The following ADAM15 variants were observed in gnomAD, a reference collection of about 807,000 sequenced individuals.
ADAM15 encodes the protein ADAM metallopeptidase domain 15.
ADAM15 carries 77 observed loss-of-function variants against 113.8 expected under a neutral mutation model. The ratio of observed to expected loss-of-function variants is 0.68; its 90% CI spans 0.56 to 0.82. The LOEUF is 0.82. ADAM15 is among the 40% of genes least tolerant of loss of function. The probability of loss-of-function intolerance (pLI) is 0.00; values close to 1 mark genes in which losing one functional copy is unlikely to be tolerated. For synonymous variants in ADAM15, 388 were observed against 454.1 expected, an observed-to-expected ratio of 0.85 and a Z score of 1.85; for missense variants, 963 against 1,120.1, an observed-to-expected ratio of 0.86 and a Z score of 2.00.
rs1367291693 is a variant in ADAM15 at position 155,052,718 on chromosome 1, C to A, written c.127C>A (p.Pro43Thr). The change falls in exon 2 of 23, where the codon CCC (proline) becomes ACC (threonine). Residue 43 changes from proline to threonine, a missense_variant. Physicochemically the swap from Pro to Thr is conservative, Grantham distance 38. Coordinates refer to ENST00000356955, the MANE Select transcript of ADAM15 (RefSeq NM_207197.3). ...QAESEKAPREPLEPQVLQDDL... is the reference protein window; with the variant it reads ...QAESEKAPRETLEPQVLQDDL... ...AGAGTCAGAGAAGGCCCCGAGGGAG[C>A]CCTTGGAGCCCCAGGTCCTTCAGGA... 3 of 1,612,258 alleles carry A rather than the reference C, an allele frequency of 1.9e-6. No homozygotes were observed. Among genetic ancestry groups the A allele is most frequent in the South Asian group, 2.2e-5 (2 of 90,584 alleles).
At chr1:155,052,980 G>A (rs1661281095) in intron 2 of ADAM15, among the ~76,000 whole-genome samples, 1 of 152,034 alleles carries the variant, frequency 6.6e-6, no homozygotes, top group South Asian at 2.1e-4. Flanking sequence ...ACGTGTATCT[G>A]TCTGCCTCAG....
chr1:155,061,326 C>A, intron 19 of ADAM15, 89 bp from the exon 20 acceptor site: 1 of 913,080 alleles, frequency 1.1e-6, no homozygotes. Flanking sequence ...CCCTGCTGGC[C>A]CCCCCTGGGC....
At position 155,060,936 on chromosome 1, in the gene ADAM15, C is replaced by A; in HGVS notation, c.2277+104C>A. ...GGCTCCAGACTCAGAGAAAGGCTAG[C>A]ACTGCCCAAGAGTCAGTCGAAGGAG... On this transcript the variant is annotated intron_variant, in intron 19 of 22. Coordinates refer to ENST00000356955, the MANE Select transcript of ADAM15 (RefSeq NM_207197.3). The A allele has an allele frequency of 4.4e-6, 5 of 1,145,748 alleles. No homozygotes were observed. In the South Asian group the frequency reaches 5.3e-5, roughly 12 times the overall value. 71.0% of individuals were successfully genotyped at this position (1,145,748 alleles called of 1,614,324 possible).
In ADAM15 at chr1:155,056,639, C is replaced by A. The variant is rs1661801030; in HGVS notation, c.999+169C>A. Among the ~76,000 whole-genome samples, 1 of 152,120 alleles carries A rather than the reference C, an allele frequency of 6.6e-6. No individual in the cohort carries two copies. Among genetic ancestry groups the A allele is most frequent in the Non-Finnish European group, 1.5e-5 (1 of 68,026 alleles). On this transcript the variant is annotated intron_variant, in intron 10 of 22. Transcript: ENST00000356955. The surrounding 1 kb of genome is among the most constrained non-coding windows in gnomAD (Gnocchi z 4.0). ...CTATCAGGGAGCCCTCGCTTATGGC[C>A]AGCTAGTCACAGTGTACACAGTCAT...
rs962646431 is a variant in ADAM15, at chr1:155,058,505, C to G, written c.1917+64C>G. On this transcript the variant is annotated intron_variant, in intron 15 of 22. Transcript: ENST00000356955. This position sits in a 1 kb window ranked among gnomAD's most constrained non-coding sequence, Gnocchi z 4.3. ...GACATTTGGACCACAATGAACAGAG[C>G]CCAGACTTCACCATTCACCAATGTC... is the stretch of plus-strand genomic sequence containing the variant. The G allele has an allele frequency of 6.3e-7, 1 of 1,583,976 alleles. No homozygotes were observed. The highest frequency in any genetic ancestry group is 8.6e-7 in the Non-Finnish European group (1 of 1,169,456).
chr1:155,062,018 T>C lies in ADAM15; in HGVS notation c.2424+43T>C. ...GAAGGGCACGGCCTCTCCCCCCACCTAGGGCTGTGGTGCTGGTAGCCATGA... is the reference window on the plus strand; with the variant it reads ...GAAGGGCACGGCCTCTCCCCCCACCCAGGGCTGTGGTGCTGGTAGCCATGA... On this transcript the variant is annotated intron_variant, in intron 21 of 22. Coordinates refer to ENST00000356955, the MANE Select transcript of ADAM15 (RefSeq NM_207197.3). The surrounding 1 kb of genome is among the most constrained non-coding windows in gnomAD (Gnocchi z 7.0). The C allele has an allele frequency of 6.6e-7, 1 of 1,505,068 alleles. No homozygotes were observed. Among genetic ancestry groups the C allele is most frequent in the South Asian group, 1.3e-5 (1 of 74,408 alleles). 93.2% of individuals were successfully genotyped at this position (1,505,068 alleles called of 1,614,324 possible).
chr1:155,056,956 C>G lies in ADAM15; in HGVS notation c.1003C>G (p.His335Asp), dbSNP rs773464499. Residue 335 changes from histidine (H) to aspartate (D), a missense_variant, in exon 11 of 23, where the codon CAC (histidine) becomes GAC (aspartate). Physicochemically the swap from His to Asp is moderately conservative, Grantham distance 81. Coordinates refer to ENST00000356955, the MANE Select transcript of ADAM15 (RefSeq NM_207197.3). This position sits in a 1 kb window ranked among gnomAD's most constrained non-coding sequence, Gnocchi z 4.0. ...CAGTACCCCTCCCCAATGACAGGACCACTCCACCAGCATCCTGGGAGTCGC... is the reference window on the plus strand; with the variant it reads ...CAGTACCCCTCCCCAATGACAGGACGACTCCACCAGCATCCTGGGAGTCGC... ...PDFSGGVNMDHSTSILGVASS... is the reference protein window; with the variant it reads ...PDFSGGVNMDDSTSILGVASS... The G allele has an allele frequency of 7.7e-6, 12 of 1,556,814 alleles. No individual in the cohort carries two copies. The highest frequency in any genetic ancestry group is 1.0e-5 in the Non-Finnish European group (12 of 1,152,764).
rs1662710920 is a variant in ADAM15 at position 155,062,016 on chromosome 1, C to T, written c.2424+41C>T. 6.6e-7 allele frequency: 1 copy of T among 1,507,330 alleles called. No individual in the cohort carries two copies. The allele number at this position is 1,507,330 out of a possible 1,614,324, so 93.4% of individuals were successfully genotyped here. A position where few individuals can be genotyped will look rare whatever the true frequency, so the allele number is the denominator to read the frequency against. On this transcript the variant is annotated intron_variant, in intron 21 of 22. Coordinates refer to ENST00000356955, the MANE Select transcript of ADAM15 (RefSeq NM_207197.3). This position sits in a 1 kb window ranked among gnomAD's most constrained non-coding sequence, Gnocchi z 7.0. ...GAGAAGGGCACGGCCTCTCCCCCCA[C>T]CTAGGGCTGTGGTGCTGGTAGCCAT...
Position 155,056,082 on chromosome 1 carries a change from C to T in ADAM15, c.747C>T (p.Phe249=). 2 of 1,613,028 alleles carry T rather than the reference C, an allele frequency of 1.2e-6. No homozygotes were observed. The highest frequency in any genetic ancestry group is 1.7e-6 in the Non-Finnish European group (2 of 1,179,814). The change falls in exon 9 of 23, where the codon TTC becomes TTT. Residue 249 remains phenylalanine (F), a splice_region_variant and synonymous_variant. Transcript: ENST00000356955. The surrounding 1 kb of genome is among the most constrained non-coding windows in gnomAD (Gnocchi z 4.0). ...TLEVALLLDT[F]FRPLNVRVAL... ...TCTGAGCCCCAGCTGTCTTTCAGTT[C>T]TTCCGGCCCCTGAATGTACGAGTGG...
chr1:155,054,194 C>CT lies in ADAM15; in HGVS notation c.388dup (p.Trp130LeufsTer93), dbSNP rs1365771548. 1.9e-6 allele frequency: 3 copies of CT among 1,609,276 alleles called. No individual in the cohort carries two copies. Among genetic ancestry groups the CT allele is most frequent in the Non-Finnish European group, 1.7e-6 (2 of 1,178,618 alleles). Reference sequence around the variant, plus strand: ...GAAGAGTGCGGGGATATGCAGGCTCCTGGGTGTCCATCTGCACCTGCTCTG... The same window carrying CT: ...GAAGAGTGCGGGGATATGCAGGCTCCTTGGGTGTCCATCTGCACCTGCTCTG... On this transcript the variant is annotated frameshift_variant, in exon 5 of 23. Transcript: ENST00000356955. LOFTEE classifies it high-confidence loss of function.
At position 155,062,267 on chromosome 1, in the gene ADAM15, C is replaced by A. The variant is rs1435330203; in HGVS notation, c.2447C>A (p.Pro816Gln). 6.8e-7 allele frequency: 1 copy of A among 1,461,956 alleles called. No individual in the cohort carries two copies. Among genetic ancestry groups the A allele is most frequent in the South Asian group, 1.4e-5 (1 of 70,086 alleles). 90.6% of individuals were successfully genotyped at this position (1,461,956 alleles called of 1,614,324 possible). A position where few individuals can be genotyped will look rare whatever the true frequency, so the allele number is the denominator to read the frequency against. The change falls in exon 22 of 23, where the codon CCA (proline) becomes CAA (glutamine). Residue 816 changes from proline (P) to glutamine (Q), a missense_variant. By Grantham distance (76) the Pro-to-Gln change is moderately conservative. Coordinates refer to ENST00000356955, the MANE Select transcript of ADAM15 (RefSeq NM_207197.3). The surrounding 1 kb of genome is among the most constrained non-coding windows in gnomAD (Gnocchi z 7.0). Reference sequence around the variant, plus strand: ...CAGTCTCAGGGGCCAGCCAAGCCCCCACCCCCAAGGAAGCCACTGCCTGCC... The same window carrying A: ...CAGTCTCAGGGGCCAGCCAAGCCCCAACCCCCAAGGAAGCCACTGCCTGCC... ...SPKSQGPAKP[P>Q]PPRKPLPADP...
intron 19 of ADAM15, 26 bp from the exon 20 acceptor site, chr1:155,061,389 C>G (rs1662578057): frequency 1.9e-6 from 3 of 1,604,788 alleles, no homozygotes; most frequent in Admixed American, 1.7e-5. Flanking sequence ...CCCCTCTGTG[C>G]CTATCTGCCC....
intron 16 of ADAM15, 95 bp from the exon 17 acceptor site, chr1:155,059,806 AC>A: frequency 7.3e-7 from 1 of 1,369,880 alleles, no homozygotes; most frequent in Non-Finnish European, 1.0e-6. Flanking sequence ...ACCCAGCACA[AC>A]CCCCAGTTGT....
chr1:155,058,771 A>G lies in ADAM15; in HGVS notation c.1979A>G (p.Lys660Arg). The G allele has an allele frequency of 6.2e-7, 1 of 1,613,324 alleles. No homozygotes were observed. Among genetic ancestry groups the G allele is most frequent in the Non-Finnish European group, 8.5e-7 (1 of 1,179,638 alleles). The change falls in exon 16 of 23, where the codon AAA (lysine) becomes AGA (arginine). Residue 660 changes from lysine (K) to arginine (R), a missense_variant. Coordinates refer to ENST00000356955, the MANE Select transcript of ADAM15 (RefSeq NM_207197.3). This position sits in a 1 kb window ranked among gnomAD's most constrained non-coding sequence, Gnocchi z 4.3. ...DLLGAQECRS[K>R]CHGHGVCDSN... ...CTGGGGGCACAGGAATGTCGAAGCA[A>G]ATGCCATGGACATGGGGTGAGCTGG...
intron 6 of ADAM15, 82 bp downstream of exon 6, chr1:155,054,588 A>G: frequency 7.2e-7 from 1 of 1,397,824 alleles, no homozygotes; most frequent in Non-Finnish European, 9.5e-7. Flanking sequence ...GTGCACAGTA[A>G]CAACAGCTCC....
At chr1:155,060,102 C>A in intron 17 of ADAM15, 103 bp from the exon 18 acceptor site, 1 of 1,574,374 alleles carries the variant, frequency 6.4e-7, no homozygotes. Flanking sequence ...CCCTTGAACC[C>A]TTCACTCTCC....
chr1:155,057,050 C>T lies in ADAM15; in HGVS notation c.1097C>T (p.Pro366Leu), dbSNP rs1400469006. Residue 366 changes from proline to leucine, a missense_variant, in exon 11 of 23, where the codon CCC becomes CTC. By Grantham distance (98) the Pro-to-Leu change is moderately conservative. Coordinates refer to ENST00000356955, the MANE Select transcript of ADAM15 (RefSeq NM_207197.3). The surrounding 1 kb of genome is among the most constrained non-coding windows in gnomAD (Gnocchi z 5.0). ...LDHDLPGNSC[P>L]CPGPAPAKTC... is the part of the protein sequence containing the mutation. ...CATGATTTGCCTGGGAATAGCTGCC[C>T]CTGTCCAGGTCCAGCCCCAGCCAAG... is the stretch of plus-strand genomic sequence containing the variant. 6.2e-7 allele frequency: 1 copy of T among 1,603,646 alleles called. No individual in the cohort carries two copies. Among genetic ancestry groups the T allele is most frequent in the South Asian group, 1.1e-5 (1 of 89,832 alleles).
chr1:155,062,603 G>A lies in ADAM15; in HGVS notation c.*101G>A. On this transcript the variant is annotated 3_prime_UTR_variant, in exon 23 of 23. Transcript: ENST00000356955. This position sits in a 1 kb window ranked among gnomAD's most constrained non-coding sequence, Gnocchi z 7.0. The stretch of plus-strand genomic sequence containing the variant: ...CCATGACTGAAGGCGCCAGAGACTG[G>A]CGGTGTCTTAAGACTCCGGGCACCG... 1 of 1,496,682 alleles carries A rather than the reference G, an allele frequency of 6.7e-7. No individual in the cohort carries two copies. Among genetic ancestry groups the A allele is most frequent in the Middle Eastern group, 1.9e-4 (1 of 5,230 alleles). 92.7% of individuals were successfully genotyped at this position (1,496,682 alleles called of 1,614,324 possible).
rs747017796 is a variant in ADAM15, at chr1:155,058,416, C to G, written c.1892C>G (p.Pro631Arg). 113 of 1,612,608 alleles carry G rather than the reference C, an allele frequency of 7.0e-5. 1 individual carries two copies. Among genetic ancestry groups the G allele is most frequent in the Non-Finnish European group, 9.0e-5 (106 of 1,180,036 alleles). The change falls in exon 15 of 23, where the codon CCT (proline) becomes CGT (arginine). Residue 631 changes from proline to arginine, a missense_variant. Coordinates refer to ENST00000356955, the MANE Select transcript of ADAM15 (RefSeq NM_207197.3). The surrounding 1 kb of genome is among the most constrained non-coding windows in gnomAD (Gnocchi z 4.3). Reference sequence around the variant, plus strand: ...GTGGCCCAGCCCCTCCTGACTCTGCCTGGCACAGCCTGTGGCCCTGGCCTG... The same window carrying G: ...GTGGCCCAGCCCCTCCTGACTCTGCGTGGCACAGCCTGTGGCCCTGGCCTG... ...SDVAQPLLTL[P>R]GTACGPGLVC...
Sources: allele counts gnomAD v4.1 joint callset (sites outside exome capture counted in the v4.1 genomes callset), GRCh38; gene constraint gnomAD v4.1.1; non-coding constraint Gnocchi (gnomAD v3.1); transcripts MANE v1.5; gene names NCBI Gene and HGNC (gene_info 2026-07-23, HGNC 2026-07-21).